Variants in CREBL2 observed in about 807,000 individuals in gnomAD.
The protein encoded by CREBL2 is cAMP-responsive element-binding protein-like 2.
CREBL2 carries 4 observed loss-of-function variants against 19.5 expected under a neutral mutation model. That is an observed-to-expected ratio of 0.20 (90% CI 0.10 to 0.47). The LOEUF is 0.47. Ranked by LOEUF, CREBL2 falls within the 20% of genes least tolerant of loss-of-function variation. The pLI is 0.98. For missense variants in CREBL2, 85 were observed against 145.1 expected, an observed-to-expected ratio of 0.59 and a Z score of 2.13; for synonymous variants, 42 against 46.6, an observed-to-expected ratio of 0.90 and a Z score of 0.40.
chr12:12,621,669 A>G (rs1431066220), intron 1 of CREBL2, among the ~76,000 whole-genome samples: 1 of 152,172 alleles, frequency 6.6e-6, no homozygotes, highest in African/African-American at 2.4e-5. Flanking sequence ...ACCAAATTAC[A>G]ATATACCTGG....
At position 12,628,846 on chromosome 12, in the gene CREBL2, C is replaced by T. The variant is rs1018092292; in HGVS notation, c.16-6931C>T. Among the ~76,000 whole-genome samples the T allele has an allele frequency of 3.3e-5, 5 of 152,202 alleles. No homozygotes were observed. The East Asian group carries it at 7.7e-4, about 23-fold the overall frequency. On this transcript the variant is annotated intron_variant, in intron 1 of 3. Transcript: ENST00000228865. ...CTTAATTATTTTGCAAGTGGCTATCCACCTGTCCCAGCACCCTTTATTGAA... is the reference window on the plus strand; with the variant it reads ...CTTAATTATTTTGCAAGTGGCTATCTACCTGTCCCAGCACCCTTTATTGAA...
chr12:12,634,181 C>T (rs537353288), intron 1 of CREBL2, among the ~76,000 whole-genome samples: 5 of 152,310 alleles, frequency 3.3e-5, no homozygotes, highest in African/African-American at 1.2e-4. Flanking sequence ...AATGTACCCC[C>T]TTTCAAGGTG....
At chr12:12,637,856 C>A in intron 3 of CREBL2, 142 bp downstream of exon 3, 1 of 850,564 alleles carries the variant, frequency 1.2e-6, no homozygotes, top group Non-Finnish European at 1.7e-6. Flanking sequence ...GACAGGGCAA[C>A]ATGGCAAAAC....
chr12:12,621,487 C>T (rs1188194162), intron 1 of CREBL2, among the ~76,000 whole-genome samples: 1 of 142,296 alleles, frequency 7.0e-6, no homozygotes, highest in African/African-American at 2.7e-5. Flanking sequence ...CATTGCACTC[C>T]AGCCTGGGCA....
intron 1 of CREBL2, among the ~76,000 whole-genome samples, chr12:12,629,013 A>G (rs921254393): frequency 6.6e-6 from 1 of 152,152 alleles, no homozygotes; most frequent in African/African-American, 2.4e-5. Context: ...CACTGTCTTG[A>G]TTACTGTAGC....
chr12:12,618,890 C>A (rs988480853), intron 1 of CREBL2, among the ~76,000 whole-genome samples: 2 of 152,272 alleles, frequency 1.3e-5, no homozygotes, highest in South Asian at 4.1e-4. Flanking sequence ...AATACAAAAA[C>A]CAGTCAGGCG....
At chr12:12,630,399 A>G (rs542066089) in intron 1 of CREBL2, among the ~76,000 whole-genome samples, 1 of 151,992 alleles carries the variant, frequency 6.6e-6, no homozygotes, top group Non-Finnish European at 1.5e-5. Context: ...AATTTTTCCT[A>G]GTATTCCTTT....
chr12:12,642,303 C>T lies in CREBL2; in HGVS notation c.*305C>T. ...AAAATCGATGAAGATTGTATTTTTG[C>T]ACCTTAACTCCACATTGCTTTATTG... On this transcript the variant is annotated 3_prime_UTR_variant, in exon 4 of 4. Coordinates refer to ENST00000228865, the MANE Select transcript of CREBL2 (RefSeq NM_001310.4). 1 of 256,918 alleles carries T rather than the reference C, an allele frequency of 3.9e-6. No homozygotes were observed. 15.9% of individuals were successfully genotyped at this position (256,918 alleles called of 1,614,324 possible).
chr12:12,612,398 T>A (rs1945274602), intron 1 of CREBL2, among the ~76,000 whole-genome samples: 2 of 152,074 alleles, frequency 1.3e-5, no homozygotes, highest in South Asian at 4.1e-4. Flanking sequence ...TCTCTGGAAA[T>A]TTTTCACTCC....
intron 2 of CREBL2, 100 bp from the exon 3 acceptor site, chr12:12,637,470 G>A (rs1945483596): frequency 1.0e-5 from 8 of 766,446 alleles, no homozygotes; most frequent in Non-Finnish European, 1.4e-5. Flanking sequence ...GAGTTCCTAT[G>A]TCTAGGATTT....
chr12:12,620,131 C>G (rs1182942329), intron 1 of CREBL2, among the ~76,000 whole-genome samples: 3 of 152,226 alleles, frequency 2.0e-5, no homozygotes, highest in African/African-American at 7.2e-5. Flanking sequence ...TTCCTGTCCT[C>G]TTACTCACAT....
At position 12,618,919 on chromosome 12, in the gene CREBL2, A is replaced by G. The variant is rs186884169; in HGVS notation, c.15+6732A>G. Among the ~76,000 whole-genome samples, 3 of 152,304 alleles carry G rather than the reference A, an allele frequency of 2.0e-5. No individual in the cohort carries two copies. In the East Asian group the frequency reaches 5.8e-4, roughly 29 times the overall value. ...TCAGGCGTGGCGGCGCACACCTGCAATCCCAGGCACTCGGCAGGTTGAGGC... is the reference window on the plus strand; with the variant it reads ...TCAGGCGTGGCGGCGCACACCTGCAGTCCCAGGCACTCGGCAGGTTGAGGC... On this transcript the variant is annotated intron_variant, in intron 1 of 3. Transcript: ENST00000228865.
At chr12:12,624,189 C>T (rs187328491) in intron 1 of CREBL2, among the ~76,000 whole-genome samples, 9 of 152,252 alleles carry the variant, frequency 5.9e-5, no homozygotes, top group African/African-American at 1.2e-4. Flanking sequence ...TTCTTGAACT[C>T]GAGGGTGACA....
chr12:12,619,957 A>C (rs1332720263), intron 1 of CREBL2, among the ~76,000 whole-genome samples: 1 of 152,130 alleles, frequency 6.6e-6, no homozygotes, highest in Non-Finnish European at 1.5e-5. Flanking sequence ...AAGTCTTCTG[A>C]TTCTTTCCAG....
intron 1 of CREBL2, among the ~76,000 whole-genome samples, chr12:12,619,133 T>A (rs1359344104): frequency 6.6e-6 from 1 of 152,054 alleles, no homozygotes; most frequent in Non-Finnish European, 1.5e-5. Flanking sequence ...TATATGCTGT[T>A]GTATAAGATT....
chr12:12,641,025 G>A (rs1945512812), intron 3 of CREBL2, among the ~76,000 whole-genome samples: 1 of 151,546 alleles, frequency 6.6e-6, no homozygotes, highest in South Asian at 2.1e-4. Context: ...TTTTATTTGG[G>A]TGATTGATCC....
intron 1 of CREBL2, among the ~76,000 whole-genome samples, chr12:12,612,723 C>T (rs1945277913): frequency 6.6e-6 from 1 of 152,128 alleles, no homozygotes. Context: ...AAAGCCTTCT[C>T]TAAAAAAATA....
chr12:12,615,474 C>G (rs538602454), intron 1 of CREBL2: 1 of 151,958 alleles, frequency 6.6e-6, no homozygotes, highest in Non-Finnish European at 1.5e-5. Flanking sequence ...GTCCCCATTC[C>G]ATTGATGTCT....
Position 12,644,657 on chromosome 12 carries a change from C to G in CREBL2, c.*2659C>G, listed in dbSNP as rs1386875203. The G allele has an allele frequency of 6.6e-6, 1 of 152,616 alleles. No homozygotes were observed. The highest frequency in any genetic ancestry group is 2.1e-4 in the South Asian group (1 of 4,830). 9.5% of individuals were successfully genotyped at this position (152,616 alleles called of 1,614,324 possible). A position where few individuals can be genotyped will look rare whatever the true frequency, so the allele number is the denominator to read the frequency against. On this transcript the variant is annotated 3_prime_UTR_variant, in exon 4 of 4. Coordinates refer to ENST00000228865, the MANE Select transcript of CREBL2 (RefSeq NM_001310.4). ...TTCTTTAAAAAGTTTTCTATTTTATCTAAAATCTTTCCATTATATCTAAAT... is the reference window on the plus strand; with the variant it reads ...TTCTTTAAAAAGTTTTCTATTTTATGTAAAATCTTTCCATTATATCTAAAT...
Sources: gnomAD v4.1 joint callset for allele counts (sites outside exome capture counted in the v4.1 genomes callset) on GRCh38, gnomAD v4.1.1 for gene constraint, MANE v1.5 for transcripts, NCBI Gene and HGNC (gene_info 2026-07-23, HGNC 2026-07-21) for gene names.